The following NOTCH1 variants were observed in gnomAD, a reference collection of about 807,000 sequenced individuals.
NOTCH1 encodes the protein notch receptor 1.
Under a neutral mutation model 254.8 loss-of-function variants are expected in NOTCH1, and 37 were observed. That is an observed-to-expected ratio of 0.15 (90% CI 0.11 to 0.19). NOTCH1 has a LOEUF of 0.19. Ranked by LOEUF, NOTCH1 falls within the 10% of genes least tolerant of loss-of-function variation. NOTCH1 has a pLI of 1.00. For synonymous variants in NOTCH1, 1,731 were observed against 1,618.1 expected, an observed-to-expected ratio of 1.07 and a Z score of -1.68; for missense variants, 2,972 against 3,708.6, an observed-to-expected ratio of 0.80 and a Z score of 5.16.
Position 136,497,236 on chromosome 9 carries a change from C to T in NOTCH1, c.6503G>A (p.Cys2168Tyr), listed in dbSNP as rs1055326153. 6.8e-6 allele frequency: 11 copies of T among 1,612,402 alleles called. No homozygotes were observed. Among genetic ancestry groups the T allele is most frequent in the East Asian group, 2.2e-5 (1 of 44,894 alleles). ...VRKPSSKGLA[C>Y]GSKEAKDLKA... ...GAGGTCCTTGGCCTCCTTGCTTCCACAGGCCAGGCCTTTGCTGCTGGGCTT... is the reference window on the plus strand; with the variant it reads ...GAGGTCCTTGGCCTCCTTGCTTCCATAGGCCAGGCCTTTGCTGCTGGGCTT... Residue 2168 changes from cysteine (C) to tyrosine (Y), a missense_variant, in exon 34 of 34, where the codon TGT (cysteine) becomes TAT (tyrosine). Cys to Tyr is a radical substitution (Grantham distance 194, BLOSUM62 -2). Transcript: ENST00000651671.
intron 2 of NOTCH1, among the ~76,000 whole-genome samples, chr9:136,531,315 G>A (rs761643349): frequency 1.7e-4 from 26 of 152,212 alleles, no homozygotes; most frequent in Non-Finnish European, 2.8e-4. Context: ...CACACCACCC[G>A]GATCTGAAGG....
Position 136,505,814 on chromosome 9 carries a change from C to A in NOTCH1, c.4082G>T (p.Gly1361Val), listed in dbSNP as rs2133341010. 1 of 1,590,358 alleles carries A rather than the reference C, an allele frequency of 6.3e-7. No individual in the cohort carries two copies. The highest frequency in any genetic ancestry group is 8.5e-7 in the Non-Finnish European group (1 of 1,172,598). The change falls in exon 25 of 34, where the codon GGC becomes GTC. Residue 1361 changes from glycine (G) to valine (V), a missense_variant. Around this residue, in one of 8 missense-constraint regions of NOTCH1, gnomAD observed 1,343 missense variants for 1,557.0 expected, o/e 0.86. Coordinates refer to ENST00000651671, the MANE Select transcript of NOTCH1 (RefSeq NM_017617.5). ...GCTGCGCGGGCCGGAGATGCATGTG[C>A]CGCCGTTGAGGCAGCGCAGGCTGCC... The part of the protein sequence containing the change: ...TCGSLRCLNG[G>V]TCISGPRSPT...
intron 2 of NOTCH1, among the ~76,000 whole-genome samples, chr9:136,527,186 T>C (rs888794503): frequency 6.6e-6 from 1 of 152,180 alleles, no homozygotes; most frequent in Non-Finnish European, 1.5e-5. Context: ...CTCTCCCACA[T>C]GGCCACAGAG....
intron 2 of NOTCH1, among the ~76,000 whole-genome samples, chr9:136,528,644 C>A (rs996190755): frequency 1.3e-5 from 2 of 151,656 alleles, no homozygotes; most frequent in African/African-American, 4.9e-5. Context: ...ACCCCGGCTC[C>A]CTGGGAAGGG....
intron 2 of NOTCH1, among the ~76,000 whole-genome samples, chr9:136,533,403 G>A (rs1336876266): frequency 6.6e-6 from 1 of 152,244 alleles, no homozygotes; most frequent in Non-Finnish European, 1.5e-5. Flanking sequence ...CAGTAACTGT[G>A]TGTTTCCGCT....
chr9:136,498,642 G>A (rs1021503722), intron 33 of NOTCH1, among the ~76,000 whole-genome samples: 35 of 152,212 alleles, frequency 2.3e-4, no homozygotes, highest in African/African-American at 8.2e-4. Flanking sequence ...AGGAGGGTAG[G>A]GCTGGGTCTG....
rs2133326277 is a variant in NOTCH1 at position 136,500,726 on chromosome 9, C to A, written c.5760G>T (p.Leu1920=). The stretch of plus-strand genomic sequence containing the variant: ...CGCCCGTGCGGTCTGTCTGGTTGTG[C>A]AGGCTGGCGCCCTGGTAGATGAAGT... ...ISDFIYQGAS[L]HNQTDRTGET... The change falls in exon 31 of 34, where the codon CTG becomes CTT. Residue 1920 remains leucine (L), a synonymous_variant. Coordinates refer to ENST00000651671, the MANE Select transcript of NOTCH1 (RefSeq NM_017617.5). 6.2e-7 allele frequency: 1 copy of A among 1,608,482 alleles called. No individual in the cohort carries two copies. The highest frequency in any genetic ancestry group is 8.5e-7 in the Non-Finnish European group (1 of 1,179,884).
In NOTCH1 at chr9:136,494,885, G is replaced by A. The variant is rs993222345; in HGVS notation, c.*1186C>T. 2 of 398,456 alleles carry A rather than the reference G, an allele frequency of 5.0e-6. No individual in the cohort carries two copies. Among genetic ancestry groups the A allele is most frequent in the Non-Finnish European group, 8.9e-6 (2 of 225,966 alleles). The allele number at this position is 398,456 out of a possible 1,614,324, so 24.7% of individuals were successfully genotyped here. Reference sequence around the variant, plus strand: ...AATCTGCTCCTCCCAAACTAGGAGGGGTGGCCCAAGGGCAGCCCCCGCCTC... The same window carrying A: ...AATCTGCTCCTCCCAAACTAGGAGGAGTGGCCCAAGGGCAGCCCCCGCCTC... On this transcript the variant is annotated 3_prime_UTR_variant, in exon 34 of 34. Coordinates refer to ENST00000651671, the MANE Select transcript of NOTCH1 (RefSeq NM_017617.5).
chr9:136,539,005 G>A (rs969299748), intron 2 of NOTCH1, among the ~76,000 whole-genome samples: 2 of 152,234 alleles, frequency 1.3e-5, no homozygotes, highest in African/African-American at 4.8e-5. Context: ...GGTGGCCGCT[G>A]CTGCCCATCA....
intron 2 of NOTCH1, among the ~76,000 whole-genome samples, chr9:136,539,822 A>AC (rs545062519): frequency 6.6e-6 from 1 of 152,260 alleles, no homozygotes; most frequent in African/African-American, 2.4e-5. Flanking sequence ...AAAGAGCCAG[A>AC]CCGGGTGACA....
chr9:136,502,943 A>G, intron 27 of NOTCH1: 1 of 694,160 alleles, frequency 1.4e-6, no homozygotes, highest in South Asian at 1.5e-5. Context: ...TGGGGAGAGA[A>G]GCAGGCACCC....
In NOTCH1 at chr9:136,522,899, GC is replaced by G; in HGVS notation, c.692del (p.Gly231AlafsTer46). 1.3e-6 allele frequency: 2 copies of G among 1,539,208 alleles called. No individual in the cohort carries two copies. The highest frequency in any genetic ancestry group is 8.8e-7 in the Non-Finnish European group (1 of 1,140,890). On this transcript the variant is annotated frameshift_variant, in exon 4 of 34. Transcript: ENST00000651671. LOFTEE classifies it high-confidence loss of function. The part of the protein sequence containing the change: ...PCSPSPCQNG[G>X]TCRPTGDVTH... ...TGACGTCGCCCGTGGGGCGGCAGGT[GC>G]CCCCGTTCTGGCAGGGCGAGGGGCT...
At chr9:136,500,905 G>A (rs1842985273) in intron 30 of NOTCH1, 58 bp from the exon 31 acceptor site, 2 of 1,516,776 alleles carry the variant, frequency 1.3e-6, no homozygotes, top group African/African-American at 1.4e-5. Context: ...TGCAGCCCAG[G>A]GGGAGGGGGG....
At chr9:136,534,559 G>A (rs1190622395) in intron 2 of NOTCH1, among the ~76,000 whole-genome samples, 1 of 152,160 alleles carries the variant, frequency 6.6e-6, no homozygotes, top group African/African-American at 2.4e-5. Flanking sequence ...CCCACCTGGT[G>A]CCCACCAGAC....
intron 4 of NOTCH1, among the ~76,000 whole-genome samples, chr9:136,521,547 A>G (rs1011330003): frequency 2.6e-4 from 39 of 152,110 alleles, no homozygotes; most frequent in African/African-American, 8.7e-4. Flanking sequence ...CCCTAGCCTG[A>G]ACCACGGCCC....
Position 136,494,639 on chromosome 9 carries a change from G to T in NOTCH1, c.*1432C>A. The T allele has an allele frequency of 2.5e-6, 1 of 398,850 alleles. No individual in the cohort carries two copies. The highest frequency in any genetic ancestry group is 4.4e-6 in the Non-Finnish European group (1 of 226,052). The allele number at this position is 398,850 out of a possible 1,614,324, so 24.7% of individuals were successfully genotyped here. On this transcript the variant is annotated 3_prime_UTR_variant, in exon 34 of 34. Transcript: ENST00000651671. ...CTGGGGATGGCACCACGCGGCCCCC[G>T]TAGAGCCGGGGGAGGCTGCCCTGAG...
chr9:136,536,492 G>C (rs1022933696), intron 2 of NOTCH1, among the ~76,000 whole-genome samples: 2 of 152,212 alleles, frequency 1.3e-5, no homozygotes, highest in African/African-American at 4.8e-5. Context: ...GAAGGCCCCG[G>C]AGCAGGCAGA....
rs1284853465 is a variant in NOTCH1 at position 136,494,442 on chromosome 9, G to A, written c.*1629C>T. 1 of 398,878 alleles carries A rather than the reference G, an allele frequency of 2.5e-6. No homozygotes were observed. The highest frequency in any genetic ancestry group is 4.4e-6 in the Non-Finnish European group (1 of 226,070). 24.7% of individuals were successfully genotyped at this position (398,878 alleles called of 1,614,324 possible). A position where few individuals can be genotyped will look rare whatever the true frequency, so the allele number is the denominator to read the frequency against. On this transcript the variant is annotated 3_prime_UTR_variant, in exon 34 of 34. Transcript: ENST00000651671. ...CCAGAGCAGAGGGGAGTGGAAGCCAGATCACCATCAGTATCATTTTTATTG... is the reference window on the plus strand; with the variant it reads ...CCAGAGCAGAGGGGAGTGGAAGCCAAATCACCATCAGTATCATTTTTATTG...
In NOTCH1 at chr9:136,540,687, G is replaced by A. The variant is rs1266401464; in HGVS notation, c.140+3337C>T. ...GATGACCCAAGGTCACAGAGCTAGT[G>A]GCCAGGCCAGGCCTCAGACACGAGG... On this transcript the variant is annotated intron_variant, in intron 2 of 33. Transcript: ENST00000651671. The surrounding 1 kb of genome is among the most constrained non-coding windows in gnomAD (Gnocchi z 4.4). Among the ~76,000 whole-genome samples the A allele has an allele frequency of 6.6e-6, 1 of 152,006 alleles. No homozygotes were observed. The highest frequency in any genetic ancestry group is 2.4e-5 in the African/African-American group (1 of 41,370).
Sources: allele counts gnomAD v4.1 joint callset (sites outside exome capture counted in the v4.1 genomes callset), GRCh38; gene constraint gnomAD v4.1.1; regional missense constraint gnomAD v4.1.1; non-coding constraint Gnocchi (gnomAD v3.1); transcripts MANE v1.5; gene names NCBI Gene and HGNC (gene_info 2026-07-23, HGNC 2026-07-21).